Variants in EYS observed in about 807,000 individuals in gnomAD.
The protein encoded by EYS is EGF-like photoreceptor maintenance factor.
EYS carries 250 observed loss-of-function variants against 282.1 expected under a neutral mutation model. The ratio of observed to expected loss-of-function variants is 0.89; its 90% CI spans 0.80 to 0.98. The LOEUF (loss-of-function observed/expected upper bound fraction) is 0.98, where lower values mean the gene tolerates loss of function less well. Among genes scored for constraint, EYS ranks in the 50% least tolerant of loss-of-function variants. The pLI, the probability that EYS is intolerant of heterozygous loss-of-function variation, is 0.00. For synonymous variants in EYS, 1,355 were observed against 1,282.9 expected (o/e 1.06, Z -1.20); for missense variants, 4,016 against 3,709.0 (o/e 1.08, Z -2.15).
rs573735702 is a variant in EYS at position 64,386,286 on chromosome 6, C to T, written c.6078+2404G>A. On this transcript the variant is annotated intron_variant, in intron 29 of 42. Transcript: ENST00000503581. Reference sequence around the variant, plus strand: ...ATTGCTAATAAAGACATACTTGAGACAGGGTAATTGATAAAGGAAAGAGGT... The same window carrying T: ...ATTGCTAATAAAGACATACTTGAGATAGGGTAATTGATAAAGGAAAGAGGT... Among the ~76,000 whole-genome samples the T allele has an allele frequency of 3.0e-3, 456 of 152,280 alleles. 24 individuals carry two copies. The South Asian group carries it at 0.086, about 29-fold the overall frequency.
At chr6:65,127,601 C>G (rs1301305605) in intron 12 of EYS, among the ~76,000 whole-genome samples, 1 of 152,022 alleles carries the variant, frequency 6.6e-6, no homozygotes, top group African/African-American at 2.4e-5. Flanking sequence ...TGTCCTGAAA[C>G]AGGAAGCCTA....
intron 22 of EYS, among the ~76,000 whole-genome samples, chr6:64,748,487 G>A (rs1299155754): frequency 6.6e-6 from 1 of 152,214 alleles, no homozygotes; most frequent in Non-Finnish European, 1.5e-5. Context: ...TAAGGCATTA[G>A]CATTAATTGG....
intron 13 of EYS, among the ~76,000 whole-genome samples, chr6:65,006,503 CAAAAAA>C (rs59057058): frequency 1.2e-5 from 1 of 83,300 alleles, no homozygotes. Flanking sequence ...TATTCTAAGT[CAAAAAA>C]AAAAAAAAAA....
chr6:63,914,691 G>T (rs1764373517), intron 35 of EYS, among the ~76,000 whole-genome samples: 1 of 146,556 alleles, frequency 6.8e-6, no homozygotes, highest in Non-Finnish European at 1.5e-5. Flanking sequence ...CTGGGTGACA[G>T]AGCAAGACCC....
chr6:63,832,197 G>A (rs1562048726), intron 36 of EYS, among the ~76,000 whole-genome samples: 1 of 152,032 alleles, frequency 6.6e-6, no homozygotes, highest in Non-Finnish European at 1.5e-5. Flanking sequence ...GCTAGCAGAA[G>A]GCAAGAAATA....
chr6:64,888,440 C>T (rs944007052), intron 18 of EYS, among the ~76,000 whole-genome samples: 1 of 151,658 alleles, frequency 6.6e-6, no homozygotes, highest in African/African-American at 2.4e-5. Flanking sequence ...CACAACAAAA[C>T]AACACATAAA....
intron 33 of EYS, among the ~76,000 whole-genome samples, chr6:64,029,910 C>G (rs1426065162): frequency 6.6e-6 from 1 of 152,336 alleles, no homozygotes; most frequent in East Asian, 1.9e-4. Flanking sequence ...GAGGGAGTTC[C>G]TAACCTCTGG....
chr6:65,234,107 T>A (rs1031220244), intron 12 of EYS, among the ~76,000 whole-genome samples: 1 of 152,164 alleles, frequency 6.6e-6, no homozygotes, highest in Non-Finnish European at 1.5e-5. Context: ...TATTTATTAA[T>A]AGTGTCCTTA....
intron 1 of EYS, among the ~76,000 whole-genome samples, chr6:65,643,643 C>T (rs1487345688): frequency 6.6e-6 from 1 of 152,146 alleles, no homozygotes; most frequent in Non-Finnish European, 1.5e-5. Context: ...GTGCACTGAA[C>T]AAAAACACAA....
intron 12 of EYS, among the ~76,000 whole-genome samples, chr6:65,128,838 G>A (rs983479648): frequency 6.6e-6 from 1 of 151,800 alleles, no homozygotes; most frequent in African/African-American, 2.4e-5. Context: ...TGGAACAATA[G>A]AAGAGCCTGA....
chr6:65,539,208 A>C (rs1768071035), intron 2 of EYS, among the ~76,000 whole-genome samples: 1 of 152,186 alleles, frequency 6.6e-6, no homozygotes, highest in Admixed American at 6.5e-5. Context: ...AAGGAGATTC[A>C]ATAATTTCCA....
intron 24 of EYS, among the ~76,000 whole-genome samples, chr6:64,597,954 T>A (rs1297742926): frequency 6.6e-6 from 1 of 152,142 alleles, no homozygotes; most frequent in Non-Finnish European, 1.5e-5. Context: ...ATTTTATCAC[T>A]AACACAATGT....
At chr6:64,511,246 T>C (rs1206455455) in intron 26 of EYS, among the ~76,000 whole-genome samples, 1 of 148,206 alleles carries the variant, frequency 6.7e-6, no homozygotes, top group Non-Finnish European at 1.5e-5. Flanking sequence ...ATCATATATA[T>C]ATATGATATA....
At chr6:64,284,885 C>T (rs1163302359) in intron 30 of EYS, among the ~76,000 whole-genome samples, 1 of 152,164 alleles carries the variant, frequency 6.6e-6, no homozygotes, top group African/African-American at 2.4e-5. Context: ...AGACTGCACA[C>T]AGCATGGCTA....
intron 22 of EYS, among the ~76,000 whole-genome samples, chr6:64,665,069 T>C (rs1769182500): frequency 6.6e-6 from 1 of 152,242 alleles, no homozygotes; most frequent in African/African-American, 2.4e-5. Context: ...TGTGGGAATG[T>C]GTAAACATGA....
chr6:65,179,400 T>C (rs1581987212), intron 12 of EYS, among the ~76,000 whole-genome samples: 1 of 151,994 alleles, frequency 6.6e-6, no homozygotes, highest in Admixed American at 6.6e-5. Context: ...CCCACAGAAA[T>C]ACAAACTACC....
rs150273363 is a variant in EYS, at chr6:64,331,704, C to T, written c.6079-24622G>A. 8.7e-3 allele frequency among the ~76,000 whole-genome samples: 1,327 copies of T among 152,116 alleles called. 27 individuals are homozygous for T. Among genetic ancestry groups the T allele is most frequent in the African/African-American group, 0.029 (1,215 of 41,540 alleles). The stretch of plus-strand genomic sequence containing the variant: ...TCTATGTGCTGCACCTAACTGCCAT[C>T]GCTCAAGCCATTTGTGAGCAATGTT... On this transcript the variant is annotated intron_variant, in intron 29 of 42. Transcript: ENST00000503581.
chr6:65,395,921 T>A (rs528976774), intron 7 of EYS, among the ~76,000 whole-genome samples: 1 of 152,190 alleles, frequency 6.6e-6, no homozygotes, highest in Admixed American at 6.5e-5. Flanking sequence ...CTTTTAAAAA[T>A]TTTACATATT....
intron 22 of EYS, among the ~76,000 whole-genome samples, chr6:64,682,463 A>C (rs181440446): frequency 1.3e-3 from 199 of 152,292 alleles, no homozygotes; most frequent in African/African-American, 4.3e-3. Flanking sequence ...CTGTTGCACG[A>C]AAGTGTTAAT....
Sources: gnomAD v4.1 joint callset for allele counts (sites outside exome capture counted in the v4.1 genomes callset) on GRCh38, gnomAD v4.1.1 for gene constraint, MANE v1.5 for transcripts, NCBI Gene and HGNC (gene_info 2026-07-23, HGNC 2026-07-21) for gene names.